The following ERMP1 variants were observed in gnomAD, a reference collection of about 807,000 sequenced individuals.
The protein encoded by ERMP1 is endoplasmic reticulum metallopeptidase 1.
A neutral mutation model predicts 92.0 loss-of-function variants in ERMP1; 86 were observed. The observed-to-expected ratio is 0.93, with a 90% confidence interval of 0.79 to 1.12. ERMP1 has a LOEUF of 1.12. ERMP1 is among the 50% of genes most tolerant of loss of function. The pLI is 0.00. For synonymous variants in ERMP1, 530 were observed against 412.8 expected (o/e 1.28, Z -3.44); for missense variants, 1,342 against 1,116.3 (o/e 1.20, Z -2.88).
At chr9:5,852,016 A>C (rs1441419633) in intron 6 of ERMP1, among the ~76,000 whole-genome samples, 1 of 152,216 alleles carries the variant, frequency 6.6e-6, no homozygotes, top group Non-Finnish European at 1.5e-5. Flanking sequence ...TTTCAAAGTA[A>C]AAATGAAATC....
chr9:5,787,734 A>G, intron 13 of ERMP1, 141 bp from the exon 14 acceptor site: 1 of 747,812 alleles, frequency 1.3e-6, no homozygotes, highest in East Asian at 2.8e-5. Flanking sequence ...GAGGTTTACC[A>G]GTTTGGACAC....
intron 2 of ERMP1, among the ~76,000 whole-genome samples, chr9:5,825,437 C>G (rs1829695792): frequency 6.6e-6 from 1 of 152,204 alleles, no homozygotes; most frequent in Non-Finnish European, 1.5e-5. Context: ...CTCTCAATGC[C>G]TACTACCATG....
intron 9 of ERMP1, 62 bp downstream of exon 9, chr9:5,805,549 C>T (rs1828837559): frequency 1.4e-6 from 2 of 1,392,578 alleles, no homozygotes; most frequent in African/African-American, 1.5e-5. Context: ...AGAAAGAGTC[C>T]CTGAAAGCCT....
At chr9:5,791,136 A>T (rs1440384418) in intron 13 of ERMP1, 1 of 445,140 alleles carries the variant, frequency 2.2e-6, no homozygotes, top group Non-Finnish European at 4.5e-6. Flanking sequence ...AACTTCCTAT[A>T]TTAGCATTCT....
chr9:5,839,604 G>A (rs565217938), intron 6 of ERMP1, among the ~76,000 whole-genome samples: 2 of 152,242 alleles, frequency 1.3e-5, no homozygotes, highest in African/African-American at 2.4e-5. Flanking sequence ...CTAGGTGTGC[G>A]CACCTGGAGA....
rs1270672087 is a variant in ERMP1 at position 5,785,279 on chromosome 9, G to C, written c.*1865C>G. ...CCCATAGAGGGGGGGAATTCACAGG[G>C]AACACTAATTATATCAGATGAACCA... On this transcript the variant is annotated 3_prime_UTR_variant, in exon 15 of 15. Coordinates refer to ENST00000339450, the MANE Select transcript of ERMP1 (RefSeq NM_024896.3). 6.6e-6 allele frequency: 1 copy of C among 152,152 alleles called. No individual in the cohort carries two copies. The highest frequency in any genetic ancestry group is 2.4e-5 in the African/African-American group (1 of 41,426). The allele number at this position is 152,152 out of a possible 1,614,324, so 9.4% of individuals were successfully genotyped here.
At chr9:5,847,785 C>T (rs534330753) in intron 6 of ERMP1, among the ~76,000 whole-genome samples, 56 of 151,842 alleles carry the variant, frequency 3.7e-4, no homozygotes, top group Non-Finnish European at 7.4e-4. Context: ...GTCCCAGCTA[C>T]TCGGGAGGCT....
intron 13 of ERMP1, among the ~76,000 whole-genome samples, chr9:5,793,260 A>C (rs1335436898): frequency 6.6e-6 from 1 of 152,064 alleles, no homozygotes; most frequent in East Asian, 1.9e-4. Flanking sequence ...CAGGGCAGCC[A>C]TTAAAAAAGG....
chr9:5,797,888 G>C lies in ERMP1; in HGVS notation c.2315C>G (p.Pro772Arg). The change falls in exon 13 of 15, where the codon CCT becomes CGT. Residue 772 changes from proline (P) to arginine (R), a missense_variant. Coordinates refer to ENST00000339450, the MANE Select transcript of ERMP1 (RefSeq NM_024896.3). ...LPAPEVSPRN[P>R]PHFRLISKEQ... The stretch of plus-strand genomic sequence containing the variant: ...TTTGGATATGAGTCGGAAATGAGGA[G>C]GATTTCTTGGAGAAACTTCTGGGGC... 1 of 1,613,686 alleles carries C rather than the reference G, an allele frequency of 6.2e-7. No homozygotes were observed. Among genetic ancestry groups the C allele is most frequent in the East Asian group, 2.2e-5 (1 of 44,852 alleles).
Position 5,799,005 on chromosome 9 carries a change from T to C in ERMP1, c.2071A>G (p.Met691Val). The change falls in exon 12 of 15, where the codon ATG becomes GTG. Residue 691 changes from methionine (M) to valine (V), a missense_variant. Physicochemically the swap from Met to Val is conservative, Grantham distance 21 (BLOSUM62 1). Coordinates refer to ENST00000339450, the MANE Select transcript of ERMP1 (RefSeq NM_024896.3). ...PKPKRVFLQH[M>V]TRTFHDLEGN... ...TCCAAGTCATGGAATGTTCTAGTCA[T>C]ATGCTGAAAAAAAAAGACTAGTGAA... 6.2e-7 allele frequency: 1 copy of C among 1,611,908 alleles called. No individual in the cohort carries two copies. Among genetic ancestry groups the C allele is most frequent in the Non-Finnish European group, 8.5e-7 (1 of 1,178,844 alleles).
intron 2 of ERMP1, among the ~76,000 whole-genome samples, chr9:5,825,663 C>T (rs962212320): frequency 6.6e-6 from 1 of 152,140 alleles, no homozygotes; most frequent in Non-Finnish European, 1.5e-5. Context: ...TGTTTTCCTG[C>T]CAAAATCATA....
rs984613028 is a variant in ERMP1 at position 5,824,078 on chromosome 9, G to C, written c.769-77C>G. The C allele has an allele frequency of 1.1e-5, 12 of 1,135,874 alleles. No homozygotes were observed. In the African/African-American group the frequency reaches 1.2e-4, roughly 12 times the overall value. The allele number at this position is 1,135,874 out of a possible 1,614,324, so 70.4% of individuals were successfully genotyped here. ...AGTCTTGATTTTGCTTAAACACAGA[G>C]AGACTACTTTGATGAGGTAAGGAAT... On this transcript the variant is annotated intron_variant, in intron 3 of 14. Transcript: ENST00000339450.
chr9:5,844,171 G>C (rs1487407680), intron 6 of ERMP1, among the ~76,000 whole-genome samples: 1 of 152,162 alleles, frequency 6.6e-6, no homozygotes, highest in African/African-American at 2.4e-5. Context: ...TACATCCTGA[G>C]ACTTCCTTCC....
At position 5,812,334 on chromosome 9, in the gene ERMP1, CT is replaced by C; in HGVS notation, c.1022-118del. On this transcript the variant is annotated intron_variant, in intron 5 of 14. Transcript: ENST00000339450. ...AAATGTCAAAGCAGTGGCACGATTG[CT>C]TTGTCACATTTACAAACGACTGATA... 4.9e-6 allele frequency: 3 copies of C among 606,314 alleles called. No homozygotes were observed. In the South Asian group the frequency reaches 6.4e-5, roughly 13 times the overall value. 37.6% of individuals were successfully genotyped at this position (606,314 alleles called of 1,614,324 possible). A position where few individuals can be genotyped will look rare whatever the true frequency, so the allele number is the denominator to read the frequency against.
chr9:5,857,222 G>A lies in ERMP1; in HGVS notation n.3199+2246C>T, dbSNP rs529723722. On this transcript the variant is annotated intron_variant and non_coding_transcript_variant, in intron 6 of 6. Transcript: ENST00000690753. ...TTTTTTGTAGAGATGGGGTTTTGCT[G>A]TGTTGCCCAGGCTGGTCTCAAACCC... Among the ~76,000 whole-genome samples, 3 of 152,138 alleles carry A rather than the reference G, an allele frequency of 2.0e-5. No individual in the cohort carries two copies. In the East Asian group the frequency reaches 5.8e-4, roughly 29 times the overall value.
At chr9:5,833,189 T>A, upstream of ERMP1, 5 of 644,640 alleles carry the variant, frequency 7.8e-6, no homozygotes, top group Non-Finnish European at 1.2e-5. Flanking sequence ...AAGACCCAGC[T>A]TCTTTGGCAG....
At chr9:5,818,123 G>A (rs1829390999) in intron 4 of ERMP1, among the ~76,000 whole-genome samples, 4 of 150,382 alleles carry the variant, frequency 2.7e-5, no homozygotes, top group Admixed American at 2.6e-4. Flanking sequence ...TTGCATCACT[G>A]CATTCCAGCC....
chr9:5,832,199 G>A (rs118007455), intron 1 of ERMP1, among the ~76,000 whole-genome samples: 3,690 of 152,226 alleles, frequency 0.024, 67 homozygotes, highest in Non-Finnish European at 0.033. Flanking sequence ...ACTGGGCGGT[G>A]TTCCAGAAAG....
intron 13 of ERMP1, among the ~76,000 whole-genome samples, chr9:5,790,238 G>A (rs1372369843): frequency 6.7e-6 from 1 of 149,254 alleles, no homozygotes; most frequent in African/African-American, 2.5e-5. Context: ...GGAGCGCAGT[G>A]GCGCAATTTC....
Sources: gnomAD v4.1 joint callset for allele counts (sites outside exome capture counted in the v4.1 genomes callset) on GRCh38, gnomAD v4.1.1 for gene constraint, MANE v1.5 for transcripts, NCBI Gene and HGNC (gene_info 2026-07-23, HGNC 2026-07-21) for gene names.